ZMPSTE24: variants seen among roughly 807,000 people sequenced by gnomAD.
ZMPSTE24 encodes zinc metallopeptidase STE24.
In ZMPSTE24, 48 loss-of-function variants were observed where a neutral mutation model predicts 56.7. The observed-to-expected ratio is 0.85, with a 90% CI of 0.67 to 1.08. The LOEUF is 1.08. Among genes scored for constraint, ZMPSTE24 ranks in the 50% least tolerant of loss-of-function variants. The pLI is 0.00. For synonymous variants in ZMPSTE24, 172 were observed against 195.2 expected (o/e 0.88, Z 0.99); for missense variants, 503 against 548.7 (o/e 0.92, Z 0.83).
chr1:40,261,325 T>C (rs563617376), intron 2 of ZMPSTE24, among the ~76,000 whole-genome samples: 1 of 152,290 alleles, frequency 6.6e-6, no homozygotes, highest in Non-Finnish European at 1.5e-5. Context: ...TCAGAGTACT[T>C]ATCTCATTAT....
At chr1:40,277,280 G>C (rs1483807147) in intron 6 of ZMPSTE24, among the ~76,000 whole-genome samples, 1 of 152,010 alleles carries the variant, frequency 6.6e-6, no homozygotes, top group African/African-American at 2.4e-5. Context: ...TAGAGACAAG[G>C]TTTCACCGTG....
intron 6 of ZMPSTE24, among the ~76,000 whole-genome samples, chr1:40,276,141 G>A (rs1156475584): frequency 1.3e-5 from 2 of 152,166 alleles, no homozygotes; most frequent in African/African-American, 4.8e-5. Context: ...TCTGAAAGGA[G>A]ATTCTAATAT....
intron 7 of ZMPSTE24, among the ~76,000 whole-genome samples, chr1:40,284,381 T>A (rs538628807): frequency 6.8e-4 from 103 of 152,310 alleles, no homozygotes; most frequent in African/African-American, 2.3e-3. Flanking sequence ...TGTTGCTTTT[T>A]TTGTGGATCA....
At chr1:40,281,716 C>G (rs559748073) in intron 7 of ZMPSTE24, among the ~76,000 whole-genome samples, 189 bp downstream of exon 7, 1 of 152,128 alleles carries the variant, frequency 6.6e-6, no homozygotes, top group East Asian at 1.9e-4. Flanking sequence ...AACTACCTTG[C>G]AAGCTTTTAT....
intron 6 of ZMPSTE24, among the ~76,000 whole-genome samples, chr1:40,275,752 C>CAAAAAA (rs34281343): frequency 8.0e-5 from 5 of 62,662 alleles, no homozygotes; most frequent in East Asian, 4.0e-4. Context: ...GACCCTGTCT[C>CAAAAAA]AAAAAAAAAA....
rs748424067 is a variant in ZMPSTE24 at position 40,292,670 on chromosome 1, GA to G, written c.*2del. The stretch of plus-strand genomic sequence containing the variant: ...TTTGAAAACTATGAAGCAACACTGA[GA>G]TGTCCAGGATCTGTGACTGAAGACA... On this transcript the variant is annotated 3_prime_UTR_variant, in exon 10 of 10. Transcript: ENST00000372759. The G allele has an allele frequency of 5.2e-5, 83 of 1,611,338 alleles. 2 individuals carry two copies. Among genetic ancestry groups the G allele is most frequent in the East Asian group, 2.7e-4 (12 of 44,846 alleles).
At chr1:40,279,984 A>G (rs893779650) in intron 6 of ZMPSTE24, among the ~76,000 whole-genome samples, 7 of 152,170 alleles carry the variant, frequency 4.6e-5, no homozygotes, top group Non-Finnish European at 7.3e-5. Context: ...GTTTCGTCTC[A>G]CGTCACAGTC....
intron 6 of ZMPSTE24, among the ~76,000 whole-genome samples, chr1:40,274,060 G>C (rs1391233266): frequency 1.3e-5 from 2 of 152,094 alleles, no homozygotes; most frequent in African/African-American, 4.8e-5. Flanking sequence ...CAGACGTCAG[G>C]CTTCAGGGTC....
At chr1:40,292,403 A>G (rs1347366193) in intron 9 of ZMPSTE24, 42 bp from the exon 10 acceptor site, 1 of 1,586,722 alleles carries the variant, frequency 6.3e-7, no homozygotes, top group East Asian at 2.2e-5. Flanking sequence ...GTAACAACAA[A>G]GAGGTGGGCA....
chr1:40,281,969 T>C (rs1436505001), intron 7 of ZMPSTE24, among the ~76,000 whole-genome samples: 2 of 152,218 alleles, frequency 1.3e-5, no homozygotes, highest in Admixed American at 6.5e-5. Context: ...ATTTGAATCC[T>C]GGTTCTGTCA....
chr1:40,271,889 T>C lies in ZMPSTE24; in HGVS notation c.628-5T>C. 1 of 1,613,424 alleles carries C rather than the reference T, an allele frequency of 6.2e-7. No individual in the cohort carries two copies. The highest frequency in any genetic ancestry group is 1.1e-5 in the South Asian group (1 of 91,022). ...TCATATGTTATTCTGACATTTACTT[T>C]TCAGGTTCTTGTCACAATCTATGCT... is the stretch of plus-strand genomic sequence containing the variant. On this transcript the variant is annotated splice_region_variant and splice_polypyrimidine_tract_variant and intron_variant, in intron 5 of 9. Transcript: ENST00000372759.
chr1:40,264,939 A>AT (rs1643534870), intron 2 of ZMPSTE24, among the ~76,000 whole-genome samples: 2 of 150,286 alleles, frequency 1.3e-5, no homozygotes, highest in African/African-American at 4.9e-5. Context: ...CGCTGGAATT[A>AT]TTTTTTCTGG....
At chr1:40,271,636 G>T (rs766931492) in intron 5 of ZMPSTE24, among the ~76,000 whole-genome samples, 6 of 152,154 alleles carry the variant, frequency 3.9e-5, no homozygotes, top group Non-Finnish European at 7.3e-5. Context: ...TTTAATCACT[G>T]TTAGTAGCAT....
At chr1:40,265,561 A>G (rs1025244296) in intron 2 of ZMPSTE24, among the ~76,000 whole-genome samples, 1 of 152,114 alleles carries the variant, frequency 6.6e-6, no homozygotes, top group African/African-American at 2.4e-5. Flanking sequence ...TTAGCCAAGT[A>G]TGGTGGTGCA....
At chr1:40,292,353 A>C in intron 9 of ZMPSTE24, 92 bp from the exon 10 acceptor site, 1 of 1,276,878 alleles carries the variant, frequency 7.8e-7, no homozygotes, top group Non-Finnish European at 1.1e-6. Context: ...CTCTTATCCC[A>C]AGCCAAACTT....
In ZMPSTE24 at chr1:40,275,436, A is replaced by AAAAC. The variant is rs770808420; in HGVS notation, c.769+3421_769+3424dup. On this transcript the variant is annotated intron_variant, in intron 6 of 9. Coordinates refer to ENST00000372759, the MANE Select transcript of ZMPSTE24 (RefSeq NM_005857.5). ...GTGACAAAGCAAGACTCTGTCTCAA[A>AAAAC]AAACAAACAAACAAACAAACAAAAC... 4.2e-4 allele frequency among the ~76,000 whole-genome samples: 64 copies of AAAAC among 151,526 alleles called. 2 individuals are homozygous for AAAAC. The highest frequency in any genetic ancestry group is 8.5e-4 in the Admixed American group (13 of 15,244).
In ZMPSTE24 at chr1:40,264,559, T is replaced by A. The variant is rs1360779582; in HGVS notation, c.271-3227T>A. Among the ~76,000 whole-genome samples the A allele has an allele frequency of 2.6e-5, 4 of 152,100 alleles. No homozygotes were observed. In the East Asian group the frequency reaches 5.8e-4, roughly 22 times the overall value. ...CTATTAAATAGAGATGATTATACCC[T>A]TTTCCCTGCCTGTTTTTCAAGACTG... On this transcript the variant is annotated intron_variant, in intron 2 of 9. Transcript: ENST00000372759.
intron 3 of ZMPSTE24, among the ~76,000 whole-genome samples, 166 bp downstream of exon 3, chr1:40,268,038 A>C (rs1415575794): frequency 1.3e-5 from 2 of 152,236 alleles, no homozygotes; most frequent in East Asian, 3.8e-4. Context: ...ACAATAACAA[A>C]TCCCAGAATA....
intron 2 of ZMPSTE24, among the ~76,000 whole-genome samples, chr1:40,266,467 TTTAG>T (rs371476800): frequency 6.6e-6 from 1 of 152,208 alleles, no homozygotes; most frequent in African/African-American, 2.4e-5. Context: ...GTCCTGGTTA[TTTAG>T]TGAATGTCTG....
Sources: gnomAD v4.1 joint callset for allele counts (sites outside exome capture counted in the v4.1 genomes callset) on GRCh38, gnomAD v4.1.1 for gene constraint, MANE v1.5 for transcripts, NCBI Gene and HGNC (gene_info 2026-07-23, HGNC 2026-07-21) for gene names.